The following WDR47 variants were observed in gnomAD, a reference collection of about 807,000 sequenced individuals.
WDR47 encodes WD repeat domain 47, also known as WD repeat-containing protein 47.
In WDR47, 32 loss-of-function variants were observed where a neutral mutation model predicts 97.2. That is an observed-to-expected ratio of 0.33 (90% CI 0.25 to 0.44). The LOEUF is 0.44. WDR47 is among the 20% of genes least tolerant of loss of function. The pLI, the probability that WDR47 is intolerant of heterozygous loss-of-function variation, is 1.00. For missense variants in WDR47, 782 were observed against 1,102.3 expected (o/e 0.71, Z 4.11); for synonymous variants, 375 against 373.5 (o/e 1.00, Z -0.05).
chr1:109,025,590 G>A (rs485675), intron 1 of WDR47, among the ~76,000 whole-genome samples: 64,481 of 151,492 alleles, frequency 0.43, 13,757 homozygotes, highest in Admixed American at 0.46. Context: ...AAAAATTAGC[G>A]GAGCGTGGTG....
rs147382168 is a variant in WDR47 at position 108,985,954 on chromosome 1, T to C, written c.1925+569A>G. 6.6e-5 allele frequency among the ~76,000 whole-genome samples: 10 copies of C among 150,776 alleles called. No individual in the cohort carries two copies. In the East Asian group the frequency reaches 1.9e-3, roughly 29 times the overall value. On this transcript the variant is annotated intron_variant, in intron 10 of 14. Coordinates refer to ENST00000369962, the MANE Select transcript of WDR47 (RefSeq NM_001142551.2). Reference sequence around the variant, plus strand: ...TACCACAGTCCAAAAGCCTAAATTATTGGTTTCAGACATAGAGATAGCAAA... The same window carrying C: ...TACCACAGTCCAAAAGCCTAAATTACTGGTTTCAGACATAGAGATAGCAAA...
Position 108,970,394 on chromosome 1 carries a change from A to G in WDR47, c.*1036T>C, listed in dbSNP as rs1244258776. The G allele has an allele frequency of 6.5e-6, 1 of 152,676 alleles. No individual in the cohort carries two copies. The highest frequency in any genetic ancestry group is 1.9e-4 in the East Asian group (1 of 5,202). The allele number at this position is 152,676 out of a possible 1,614,324, so 9.5% of individuals were successfully genotyped here. On this transcript the variant is annotated 3_prime_UTR_variant, in exon 15 of 15. Coordinates refer to ENST00000369962, the MANE Select transcript of WDR47 (RefSeq NM_001142551.2). ...ATAGCCTATTTAAATAATTTAAAGT[A>G]AAATTACTGTACAATATGAAAATAA...
intron 10 of WDR47, among the ~76,000 whole-genome samples, chr1:108,984,439 G>A (rs1257022264): frequency 1.3e-5 from 2 of 152,224 alleles, no homozygotes; most frequent in East Asian, 1.9e-4. Flanking sequence ...AAAAAAAGAT[G>A]AATGAAGCAA....
intron 1 of WDR47, among the ~76,000 whole-genome samples, chr1:109,032,887 A>G (rs1662696888): frequency 6.6e-6 from 1 of 151,810 alleles, no homozygotes; most frequent in Non-Finnish European, 1.5e-5. Flanking sequence ...ACAGAGTGAC[A>G]CTCTGTCCAA....
chr1:108,975,849 T>A (rs1021617541), intron 13 of WDR47, among the ~76,000 whole-genome samples: 1 of 152,020 alleles, frequency 6.6e-6, no homozygotes, highest in African/African-American at 2.4e-5. Context: ...TAAAGAATAA[T>A]CTTTTCTTGA....
chr1:108,976,263 T>C (rs1231989927), intron 13 of WDR47, among the ~76,000 whole-genome samples: 1 of 151,700 alleles, frequency 6.6e-6, no homozygotes, highest in African/African-American at 2.4e-5. Flanking sequence ...TCTTGGAAAT[T>C]AACTGCCTGA....
At position 108,974,761 on chromosome 1, in the gene WDR47, T is replaced by C; in HGVS notation, c.2399-7A>G. On this transcript the variant is annotated splice_region_variant and splice_polypyrimidine_tract_variant and intron_variant, in intron 13 of 14. Coordinates refer to ENST00000369962, the MANE Select transcript of WDR47 (RefSeq NM_001142551.2). ...ACAGATGCCACTGCACTGCCTGTAG[T>C]GGTAGGAATGAAAGTTTAAATACAG... 1 of 1,597,594 alleles carries C rather than the reference T, an allele frequency of 6.3e-7. No homozygotes were observed. Among genetic ancestry groups the C allele is most frequent in the Non-Finnish European group, 8.5e-7 (1 of 1,170,934 alleles).
At chr1:108,997,773 AAAAG>A (rs1659872659) in intron 7 of WDR47, among the ~76,000 whole-genome samples, 2 of 150,740 alleles carry the variant, frequency 1.3e-5, no homozygotes, top group African/African-American at 2.4e-5. Flanking sequence ...AAAAAAAAAA[AAAAG>A]AAAGAAGGAA....
chr1:108,991,884 A>C (rs1659376258), intron 8 of WDR47, among the ~76,000 whole-genome samples: 1 of 152,226 alleles, frequency 6.6e-6, no homozygotes, highest in South Asian at 2.1e-4. Context: ...GCTGCTCTCG[A>C]ACTCCTGGGC....
At chr1:108,991,420 TAGCA>T (rs1659341550) in intron 8 of WDR47, 91 bp from the exon 9 acceptor site, 1 of 1,159,122 alleles carries the variant, frequency 8.6e-7, no homozygotes, top group South Asian at 1.4e-5. Flanking sequence ...TTTTTCTTTT[TAGCA>T]AACAATCCTA....
rs531794584 is a variant in WDR47 at position 109,037,234 on chromosome 1, C to T, written c.-10+4628G>A. On this transcript the variant is annotated intron_variant, in intron 1 of 14. Coordinates refer to ENST00000369962, the MANE Select transcript of WDR47 (RefSeq NM_001142551.2). ...ATCCCAGCTACTAGGGAGGCTGAGG[C>T]AGGAGAATCACTTGAACCTGGAAGG... is the stretch of plus-strand genomic sequence containing the variant. 2.9e-3 allele frequency among the ~76,000 whole-genome samples: 435 copies of T among 151,800 alleles called. 4 individuals carry two copies. The highest frequency in any genetic ancestry group is 4.3e-3 in the Non-Finnish European group (292 of 67,970).
intron 8 of WDR47, among the ~76,000 whole-genome samples, chr1:108,994,748 T>C (rs563148939): frequency 6.6e-6 from 1 of 152,248 alleles, no homozygotes; most frequent in East Asian, 1.9e-4. Context: ...AAAAATTAAA[T>C]TTTAAAATCT....
chr1:109,002,688 T>C (rs1026810614), intron 6 of WDR47, among the ~76,000 whole-genome samples: 1 of 152,154 alleles, frequency 6.6e-6, no homozygotes, highest in Non-Finnish European at 1.5e-5. Context: ...AAGGGGGCCA[T>C]GATCAGAGAA....
intron 13 of WDR47, among the ~76,000 whole-genome samples, chr1:108,976,903 A>C (rs1339985870): frequency 6.6e-6 from 1 of 152,214 alleles, no homozygotes; most frequent in African/African-American, 2.4e-5. Flanking sequence ...TAAAAATGCC[A>C]AATCAAGCAG....
intron 13 of WDR47, among the ~76,000 whole-genome samples, chr1:108,975,706 G>A (rs1018736207): frequency 4.6e-5 from 7 of 151,670 alleles, no homozygotes; most frequent in Non-Finnish European, 8.8e-5. Flanking sequence ...GAATAACACT[G>A]CTCTAGACCA....
chr1:109,034,438 T>C (rs902451519), intron 1 of WDR47, among the ~76,000 whole-genome samples: 7 of 152,224 alleles, frequency 4.6e-5, no homozygotes, highest in African/African-American at 1.4e-4. Context: ...AATAGCAGAA[T>C]TGGTAAATAA....
intron 5 of WDR47, 53 bp downstream of exon 5, chr1:109,010,863 T>A: frequency 1.3e-6 from 2 of 1,540,882 alleles, no homozygotes; most frequent in Non-Finnish European, 1.8e-6. Context: ...ATTACAGGCA[T>A]AAGCCACTGC....
chr1:108,973,423 G>T (rs1368587208), intron 14 of WDR47, among the ~76,000 whole-genome samples: 1 of 152,062 alleles, frequency 6.6e-6, no homozygotes, highest in Admixed American at 6.6e-5. Context: ...GCTCCATCAG[G>T]GAGGGAATTA....
chr1:109,028,415 G>A (rs1225611834), intron 1 of WDR47, among the ~76,000 whole-genome samples: 4 of 115,586 alleles, frequency 3.5e-5, no homozygotes, highest in African/African-American at 1.3e-4. Context: ...TGTTGCCCAG[G>A]CTTAGTCTGA....
Sources: allele counts gnomAD v4.1 joint callset (sites outside exome capture counted in the v4.1 genomes callset), GRCh38; gene constraint gnomAD v4.1.1; transcripts MANE v1.5; gene names NCBI Gene and HGNC (gene_info 2026-07-23, HGNC 2026-07-21).